Variants in ITCH observed in about 807,000 individuals in gnomAD.
ITCH encodes E3 ubiquitin-protein ligase Itchy homolog.
ITCH carries 28 observed loss-of-function variants against 126.8 expected under a neutral mutation model. The ratio of observed to expected loss-of-function variants is 0.22; its 90% confidence interval spans 0.16 to 0.30. The LOEUF (loss-of-function observed/expected upper bound fraction) is 0.30. Ranked by LOEUF, ITCH falls within the 10% of genes least tolerant of loss-of-function variation. ITCH has a pLI of 1.00. For synonymous variants in ITCH, 342 were observed against 340.0 expected (o/e 1.01, Z -0.06); for missense variants, 631 against 1,032.4 (o/e 0.61, Z 5.33).
chr20:34,480,569 T>A (rs930041001), intron 18 of ITCH, 30 bp from the exon 19 acceptor site: 5 of 1,610,772 alleles, frequency 3.1e-6, no homozygotes, highest in Non-Finnish European at 4.2e-6. Context: ...GTACAGTTAT[T>A]TTAAGCGGTC....
chr20:34,476,100 C>G, intron 16 of ITCH: 1 of 939,370 alleles, frequency 1.1e-6, no homozygotes, highest in Non-Finnish European at 1.8e-6. Flanking sequence ...CATCTAACTT[C>G]TCATATATGT....
intron 20 of ITCH, 123 bp from the exon 21 acceptor site, chr20:34,489,143 C>T (rs1278213416): frequency 1.1e-5 from 8 of 746,832 alleles, no homozygotes; most frequent in Non-Finnish European, 1.5e-5. Context: ...ACAGGGGGTT[C>T]ATTATGTTCT....
At chr20:34,363,906 G>T (rs1414084245) in intron 1 of ITCH, among the ~76,000 whole-genome samples, 1 of 152,192 alleles carries the variant, frequency 6.6e-6, no homozygotes, top group African/African-American at 2.4e-5. Flanking sequence ...CCGGCGTGGT[G>T]GTCCCGGCTC....
At chr20:34,446,006 C>G (rs954359767) in intron 11 of ITCH, among the ~76,000 whole-genome samples, 2 of 152,144 alleles carry the variant, frequency 1.3e-5, no homozygotes, top group South Asian at 4.1e-4. Context: ...CATTTCCCTT[C>G]TAGAAACAAA....
intron 2 of ITCH, among the ~76,000 whole-genome samples, chr20:34,375,607 A>T (rs529263157): frequency 1.3e-5 from 2 of 150,822 alleles, no homozygotes; most frequent in South Asian, 4.2e-4. Flanking sequence ...GTTTTACATG[A>T]TAAATATATA....
intron 2 of ITCH, among the ~76,000 whole-genome samples, chr20:34,393,328 G>A (rs1445448399): frequency 6.6e-6 from 1 of 152,142 alleles, no homozygotes; most frequent in African/African-American, 2.4e-5. Flanking sequence ...GGGCAATATA[G>A]TGAGATCCTG....
At chr20:34,381,225 C>T (rs541368909) in intron 2 of ITCH, among the ~76,000 whole-genome samples, 1 of 151,966 alleles carries the variant, frequency 6.6e-6, no homozygotes, top group African/African-American at 2.4e-5. Context: ...ACAAAGTCTA[C>T]AAAACGAAAC....
At chr20:34,420,913 C>T (rs1427361349) in intron 6 of ITCH, among the ~76,000 whole-genome samples, 4 of 152,156 alleles carry the variant, frequency 2.6e-5, no homozygotes, top group African/African-American at 7.2e-5. Flanking sequence ...GAACTGGGAA[C>T]GCTTCAACTC....
intron 3 of ITCH, among the ~76,000 whole-genome samples, chr20:34,394,329 A>G (rs1458372353): frequency 1.3e-5 from 2 of 151,520 alleles, no homozygotes; most frequent in South Asian, 4.2e-4. Flanking sequence ...TGTAATTTTT[A>G]TTGTAGAATA....
intron 7 of ITCH, among the ~76,000 whole-genome samples, chr20:34,433,432 C>T (rs1466013555): frequency 2.6e-5 from 4 of 152,272 alleles, no homozygotes; most frequent in Admixed American, 2.6e-4. Context: ...TGTAATCACA[C>T]TTTGGGAGGC....
At chr20:34,420,236 C>T (rs1254905510) in intron 6 of ITCH, among the ~76,000 whole-genome samples, 1 of 152,126 alleles carries the variant, frequency 6.6e-6, no homozygotes, top group East Asian at 1.9e-4. Flanking sequence ...GAAAAAAAAC[C>T]CCATTTCTTT....
intron 1 of ITCH, among the ~76,000 whole-genome samples, chr20:34,364,743 A>AAAAAAAAAAAAT (rs56180734): frequency 6.8e-6 from 1 of 146,444 alleles, no homozygotes; most frequent in East Asian, 2.0e-4. Flanking sequence ...AAAAAAAAAA[A>AAAAAAAAAAAAT]TCCTGGGCGT....
In ITCH at chr20:34,378,406, G is replaced by A. The variant is rs976493989; in HGVS notation, c.-22+8936G>A. Among the ~76,000 whole-genome samples the A allele has an allele frequency of 2.1e-5, 3 of 141,542 alleles. No individual in the cohort carries two copies. In the Admixed American group the frequency reaches 2.3e-4, roughly 11 times the overall value. 92.9% of individuals were successfully genotyped at this position (141,542 alleles called of 152,430 possible). A position where few individuals can be genotyped will look rare whatever the true frequency, so the allele number is the denominator to read the frequency against. On this transcript the variant is annotated intron_variant, in intron 2 of 24. Transcript: ENST00000374864. ...GGAGAATTCCTGAACCCAGGAGGCA[G>A]AGGTTGCAGTGAGCAGAGATTGCGC...
chr20:34,452,756 A>G (rs1198248845), intron 12 of ITCH, among the ~76,000 whole-genome samples: 1 of 152,130 alleles, frequency 6.6e-6, no homozygotes, highest in East Asian at 1.9e-4. Context: ...ATTGCACACT[A>G]CAGCTTTGAA....
intron 20 of ITCH, among the ~76,000 whole-genome samples, chr20:34,483,070 C>T (rs1176484020): frequency 2.0e-5 from 3 of 152,210 alleles, no homozygotes; most frequent in South Asian, 4.1e-4. Flanking sequence ...GGAAACAGGG[C>T]ACCAAGTCCC....
intron 16 of ITCH, chr20:34,476,440 G>C: frequency 8.2e-7 from 1 of 1,221,342 alleles, no homozygotes; most frequent in Admixed American, 4.4e-5. Flanking sequence ...CGCAGAAGCG[G>C]CGCGCAGCAG....
chr20:34,375,272 C>A (rs1199363571), intron 2 of ITCH, among the ~76,000 whole-genome samples: 1 of 151,012 alleles, frequency 6.6e-6, no homozygotes, highest in Non-Finnish European at 1.5e-5. Context: ...AACTTCCGAC[C>A]TCAGGTGATC....
At chr20:34,398,489 C>T (rs182420905) in intron 3 of ITCH, among the ~76,000 whole-genome samples, 149 of 152,002 alleles carry the variant, frequency 9.8e-4, no homozygotes, top group Middle Eastern at 3.4e-3. Flanking sequence ...ACCTCCGCTT[C>T]CCAGATTCAA....
At chr20:34,488,602 A>G (rs1989297632) in intron 20 of ITCH, among the ~76,000 whole-genome samples, 1 of 152,100 alleles carries the variant, frequency 6.6e-6, no homozygotes, top group South Asian at 2.1e-4. Context: ...AATGCCAGCT[A>G]CTCGGGAGGC....
Sources: allele counts gnomAD v4.1 joint callset (sites outside exome capture counted in the v4.1 genomes callset), GRCh38; gene constraint gnomAD v4.1.1; transcripts MANE v1.5; gene names NCBI Gene and HGNC (gene_info 2026-07-23, HGNC 2026-07-21).